PTPRN2: variants seen among roughly 807,000 people sequenced by gnomAD.
PTPRN2 encodes protein tyrosine phosphatase receptor type N2.
Under a neutral mutation model 118.8 loss-of-function variants are expected in PTPRN2, and 74 were observed. The ratio of observed to expected loss-of-function variants is 0.62; its 90% CI spans 0.52 to 0.76. PTPRN2 has a LOEUF of 0.76. Ranked by LOEUF, PTPRN2 falls within the 30% of genes least tolerant of loss-of-function variation. The pLI is 0.00. For missense variants in PTPRN2, 1,481 were observed against 1,394.4 expected (o/e 1.06, Z -0.99); for synonymous variants, 641 against 608.0 (o/e 1.05, Z -0.80).
chr7:157,899,149 G>A (rs961880113), intron 11 of PTPRN2, among the ~76,000 whole-genome samples: 4 of 152,220 alleles, frequency 2.6e-5, no homozygotes, highest in East Asian at 1.9e-4. Context: ...AAAAGACTCC[G>A]TAGAAGGCAA....
In PTPRN2 at chr7:157,674,109, A is replaced by G. The variant is rs370360760; in HGVS notation, c.2001+8616T>C. Among the ~76,000 whole-genome samples the G allele has an allele frequency of 4.0e-4, 61 of 152,222 alleles. No homozygotes were observed. Among genetic ancestry groups the G allele is most frequent in the African/African-American group, 1.4e-3 (58 of 41,550 alleles). ...AGGGGTGACCCTCGGGCCAACACCA[A>G]TCACAGCTCTGGGGACCCCCACGTG... On this transcript the variant is annotated intron_variant, in intron 13 of 22. Coordinates refer to ENST00000389418, the MANE Select transcript of PTPRN2 (RefSeq NM_002847.5). This position sits in a 1 kb window ranked among gnomAD's most constrained non-coding sequence, Gnocchi z 4.5.
In PTPRN2 at chr7:158,565,553, C is replaced by G. The variant is rs1038139704; in HGVS notation, c.112+22005G>C. Among the ~76,000 whole-genome samples, 1 of 152,154 alleles carries G rather than the reference C, an allele frequency of 6.6e-6. No individual in the cohort carries two copies. Among genetic ancestry groups the G allele is most frequent in the Admixed American group, 6.5e-5 (1 of 15,276 alleles). ...CAATGGTGAGAAATCTTAACTCGGA[C>G]GGCAAACTTCCCGTCTGGGATCTGC... On this transcript the variant is annotated intron_variant, in intron 1 of 22. Coordinates refer to ENST00000389418, the MANE Select transcript of PTPRN2 (RefSeq NM_002847.5). The surrounding 1 kb of genome is among the most constrained non-coding windows in gnomAD (Gnocchi z 4.6).
intron 12 of PTPRN2, among the ~76,000 whole-genome samples, chr7:157,818,180 G>A (rs530915150): frequency 2.6e-5 from 4 of 151,966 alleles, no homozygotes; most frequent in South Asian, 4.2e-4. Context: ...TGTGGTGTGT[G>A]TGCATTCATG....
In PTPRN2 at chr7:158,576,296, G is replaced by A. The variant is rs528856168; in HGVS notation, c.112+11262C>T. ...AAGAAGCCGTTTTCAGACCACACTC[G>A]TTTTGCAAGAACGAACATCTCTGTA... is the stretch of plus-strand genomic sequence containing the variant. On this transcript the variant is annotated intron_variant, in intron 1 of 22. Transcript: ENST00000389418. 9.8e-5 allele frequency among the ~76,000 whole-genome samples: 15 copies of A among 152,340 alleles called. No individual in the cohort carries two copies. The South Asian group carries it at 1.7e-3, about 17-fold the overall frequency.
intron 21 of PTPRN2, among the ~76,000 whole-genome samples, chr7:157,564,977 A>G (rs969625067): frequency 2.0e-5 from 3 of 152,226 alleles, no homozygotes; most frequent in Non-Finnish European, 4.4e-5. Flanking sequence ...CAGTCATAAA[A>G]TGGAAGTTAG....
At chr7:158,494,311 A>G (rs1344720187) in intron 1 of PTPRN2, among the ~76,000 whole-genome samples, 1 of 152,112 alleles carries the variant, frequency 6.6e-6, no homozygotes, top group Non-Finnish European at 1.5e-5. Flanking sequence ...CCCTGTCTCT[A>G]CCACCACCGT....
chr7:158,384,773 C>A (rs559348737), intron 2 of PTPRN2, among the ~76,000 whole-genome samples: 238 of 152,270 alleles, frequency 1.6e-3, no homozygotes, highest in African/African-American at 5.5e-3. Flanking sequence ...CTTAAACATG[C>A]ACTCTTTGTA....
chr7:157,800,906 C>T (rs1035647336), intron 12 of PTPRN2, among the ~76,000 whole-genome samples: 2 of 151,410 alleles, frequency 1.3e-5, no homozygotes, highest in Non-Finnish European at 2.9e-5. Context: ...GAGCCGAGAT[C>T]GCACCACTGC....
chr7:157,704,604 C>T (rs964339302), intron 12 of PTPRN2, among the ~76,000 whole-genome samples: 1 of 152,260 alleles, frequency 6.6e-6, no homozygotes, highest in East Asian at 1.9e-4. Flanking sequence ...TCCCCACATT[C>T]GCTTCTGGGC....
chr7:158,046,624 G>A (rs1252412855), intron 11 of PTPRN2, among the ~76,000 whole-genome samples: 2 of 152,198 alleles, frequency 1.3e-5, no homozygotes, highest in African/African-American at 4.8e-5. Context: ...TTATGCAGCA[G>A]CTCTGGGACT....
chr7:158,307,100 C>G (rs1801363253), intron 3 of PTPRN2, among the ~76,000 whole-genome samples: 1 of 152,090 alleles, frequency 6.6e-6, no homozygotes, highest in Non-Finnish European at 1.5e-5. Context: ...CTCCTGACCT[C>G]AAGTGATCCA....
At chr7:158,366,264 C>G (rs10273807) in intron 2 of PTPRN2, among the ~76,000 whole-genome samples, 8 of 134,390 alleles carry the variant, frequency 6.0e-5, no homozygotes, top group Admixed American at 1.5e-4. Flanking sequence ...GCACACACAC[C>G]CACACACCCA....
intron 6 of PTPRN2, among the ~76,000 whole-genome samples, chr7:158,155,490 C>G: frequency 9.4e-6 from 1 of 105,830 alleles, no homozygotes; most frequent in South Asian, 3.3e-4. Flanking sequence ...ATCATCATCA[C>G]CATCACCATC....
At chr7:157,656,909 T>C (rs1045729321) in intron 13 of PTPRN2, among the ~76,000 whole-genome samples, 3 of 115,192 alleles carry the variant, frequency 2.6e-5, no homozygotes, top group African/African-American at 6.9e-5. Flanking sequence ...ACATCACACA[T>C]ATACACACAC....
rs1053609477 is a variant in PTPRN2 at position 157,974,773 on chromosome 7, G to T, written c.1724-76036C>A. Among the ~76,000 whole-genome samples the T allele has an allele frequency of 1.3e-5, 2 of 152,038 alleles. No individual in the cohort carries two copies. The highest frequency in any genetic ancestry group is 1.3e-4 in the Admixed American group (2 of 15,282). ...TGGTGGATTTGCAAATTTCCAGGGC[G>T]GTGGGGGGTCTGGCAAGTGTAGACA... On this transcript the variant is annotated intron_variant, in intron 11 of 22. Coordinates refer to ENST00000389418, the MANE Select transcript of PTPRN2 (RefSeq NM_002847.5). The surrounding 1 kb of genome is among the most constrained non-coding windows in gnomAD (Gnocchi z 4.0).
intron 12 of PTPRN2, among the ~76,000 whole-genome samples, chr7:157,891,468 G>A (rs1796800336): frequency 8.0e-6 from 1 of 125,030 alleles, no homozygotes; most frequent in African/African-American, 3.2e-5. Context: ...TTATTCATGG[G>A]GCGGATTCCC....
chr7:158,116,026 T>C (rs1816700510), intron 9 of PTPRN2, among the ~76,000 whole-genome samples: 1 of 152,216 alleles, frequency 6.6e-6, no homozygotes, highest in Non-Finnish European at 1.5e-5. Context: ...ACACCCTGCA[T>C]GGAGCGGTGA....
intron 1 of PTPRN2, among the ~76,000 whole-genome samples, chr7:158,567,398 A>G (rs1273840327): frequency 2.0e-5 from 3 of 152,218 alleles, no homozygotes; most frequent in Non-Finnish European, 2.9e-5. Context: ...CCACTCTCCA[A>G]ACAGAATCTA....
rs1362783732 is a variant in PTPRN2 at position 157,615,940 on chromosome 7, C to T, written c.2344+5422G>A. 2.3e-5 allele frequency: 6 copies of T among 259,270 alleles called. No homozygotes were observed. The highest frequency in any genetic ancestry group is 5.1e-5 in the Admixed American group (1 of 19,740). The allele number at this position is 259,270 out of a possible 1,614,324, so 16.1% of individuals were successfully genotyped here. A position where few individuals can be genotyped will look rare whatever the true frequency, so the allele number is the denominator to read the frequency against. On this transcript the variant is annotated intron_variant, in intron 15 of 22. Transcript: ENST00000389418. This position sits in a 1 kb window ranked among gnomAD's most constrained non-coding sequence, Gnocchi z 4.3. ...TGAGATGTGCACCTGGCAGGATGAA[C>T]GTAACTTCTGGTGGATAAAGTGGGA...
Sources: allele counts gnomAD v4.1 joint callset (sites outside exome capture counted in the v4.1 genomes callset), GRCh38; gene constraint gnomAD v4.1.1; non-coding constraint Gnocchi (gnomAD v3.1); transcripts MANE v1.5; gene names NCBI Gene and HGNC (gene_info 2026-07-23, HGNC 2026-07-21).